The following PPM1H variants were observed in gnomAD, a reference collection of about 807,000 sequenced individuals.
PPM1H encodes protein phosphatase 1H.
Under a neutral mutation model 54.9 loss-of-function variants are expected in PPM1H, and 27 were observed. That is an observed-to-expected ratio of 0.49 (90% CI 0.36 to 0.68). The LOEUF is 0.68. PPM1H is among the 30% of genes least tolerant of loss of function. PPM1H has a pLI of 0.00. For missense variants in PPM1H, 596 were observed against 667.8 expected, an observed-to-expected ratio of 0.89 and a Z score of 1.19; for synonymous variants, 305 against 270.8, an observed-to-expected ratio of 1.13 and a Z score of -1.24.
chr12:62,899,431 T>C (rs1261470551), intron 1 of PPM1H, among the ~76,000 whole-genome samples: 1 of 152,002 alleles, frequency 6.6e-6, no homozygotes, highest in Non-Finnish European at 1.5e-5. Context: ...AAATTAAAAA[T>C]TTAAACTCAA....
chr12:62,778,321 T>TA (rs1264037902), intron 4 of PPM1H, among the ~76,000 whole-genome samples: 1 of 152,232 alleles, frequency 6.6e-6, no homozygotes, highest in Non-Finnish European at 1.5e-5. Flanking sequence ...GTACACGACT[T>TA]AGACTACATT....
intron 3 of PPM1H, 49 bp downstream of exon 3, chr12:62,801,767 C>T (rs1168137964): frequency 6.3e-7 from 1 of 1,592,268 alleles, no homozygotes; most frequent in Non-Finnish European, 8.6e-7. Flanking sequence ...ACAGACCTGG[C>T]GCAGGCGCCA....
At chr12:62,701,553 T>G (rs2076143987) in intron 6 of PPM1H, among the ~76,000 whole-genome samples, 1 of 152,188 alleles carries the variant, frequency 6.6e-6, no homozygotes, top group Admixed American at 6.5e-5. Flanking sequence ...CACCTTAAAG[T>G]TCTCCACTGA....
chr12:62,863,482 C>G (rs1338652147), intron 1 of PPM1H, among the ~76,000 whole-genome samples: 1 of 152,170 alleles, frequency 6.6e-6, no homozygotes, highest in Non-Finnish European at 1.5e-5. Context: ...CACCTATATT[C>G]CATTTCCCAC....
intron 1 of PPM1H, among the ~76,000 whole-genome samples, chr12:62,888,940 G>A (rs1006164260): frequency 2.0e-5 from 3 of 152,128 alleles, no homozygotes; most frequent in Admixed American, 6.5e-5. Context: ...CACTAATGTG[G>A]AACTTCAAAA....
chr12:62,829,794 A>G (rs1868330758), intron 2 of PPM1H, among the ~76,000 whole-genome samples: 1 of 152,236 alleles, frequency 6.6e-6, no homozygotes, highest in Non-Finnish European at 1.5e-5. Flanking sequence ...CATTTCTAGA[A>G]GGAACTCAGT....
chr12:62,748,494 C>T (rs1039584944), intron 4 of PPM1H, among the ~76,000 whole-genome samples: 19 of 151,558 alleles, frequency 1.3e-4, no homozygotes, highest in Admixed American at 6.6e-4. Flanking sequence ...GCATGGAATC[C>T]ACCCACTCAT....
At position 62,762,758 on chromosome 12, in the gene PPM1H, G is replaced by A. The variant is rs191314056; in HGVS notation, c.870-25172C>T. Reference sequence around the variant, plus strand: ...GGGTCTCTTCTTCAGGTTCTTGAACGTGGTGTCATCCCTACTGAAATCAAT... The same window carrying A: ...GGGTCTCTTCTTCAGGTTCTTGAACATGGTGTCATCCCTACTGAAATCAAT... On this transcript the variant is annotated intron_variant, in intron 4 of 9. Coordinates refer to ENST00000228705, the MANE Select transcript of PPM1H (RefSeq NM_020700.2). 5.9e-5 allele frequency among the ~76,000 whole-genome samples: 9 copies of A among 152,220 alleles called. No individual in the cohort carries two copies. In the East Asian group the frequency reaches 1.4e-3, roughly 23 times the overall value.
intron 1 of PPM1H, among the ~76,000 whole-genome samples, chr12:62,869,652 T>C (rs1309707215): frequency 2.0e-5 from 3 of 152,104 alleles, no homozygotes; most frequent in Admixed American, 6.5e-5. Flanking sequence ...ACATCCCATC[T>C]CCCGCTCAAA....
intron 1 of PPM1H, among the ~76,000 whole-genome samples, chr12:62,838,194 T>A (rs1348391316): frequency 6.6e-6 from 1 of 152,156 alleles, no homozygotes; most frequent in East Asian, 1.9e-4. Flanking sequence ...CAGTTCAGGC[T>A]AAAAAGTTTA....
intron 1 of PPM1H, among the ~76,000 whole-genome samples, chr12:62,881,852 C>T (rs1870408263): frequency 6.6e-6 from 1 of 152,168 alleles, no homozygotes; most frequent in Non-Finnish European, 1.5e-5. Flanking sequence ...ACTGGTCTCC[C>T]TGCCTCTGGT....
At chr12:62,723,520 C>T (rs940380885) in intron 5 of PPM1H, among the ~76,000 whole-genome samples, 1 of 152,076 alleles carries the variant, frequency 6.6e-6, no homozygotes, top group Non-Finnish European at 1.5e-5. Flanking sequence ...GTAGAGCCCT[C>T]GTGAATTAAT....
chr12:62,699,281 C>G (rs961365036), intron 6 of PPM1H, among the ~76,000 whole-genome samples: 1 of 152,250 alleles, frequency 6.6e-6, no homozygotes, highest in Non-Finnish European at 1.5e-5. Context: ...ACTGCAACCT[C>G]TACCTCCTGG....
chr12:62,860,231 T>C (rs1433878073), intron 1 of PPM1H, among the ~76,000 whole-genome samples: 1 of 152,038 alleles, frequency 6.6e-6, no homozygotes, highest in Non-Finnish European at 1.5e-5. Flanking sequence ...TTAGATCTCG[T>C]GAGAACTCAC....
At chr12:62,757,822 C>T (rs1056231527) in intron 4 of PPM1H, among the ~76,000 whole-genome samples, 2 of 152,218 alleles carry the variant, frequency 1.3e-5, no homozygotes, top group African/African-American at 4.8e-5. Context: ...ACACACTCCA[C>T]AGAACAAGAG....
intron 1 of PPM1H, among the ~76,000 whole-genome samples, chr12:62,898,272 G>C (rs945404516): frequency 6.6e-6 from 1 of 152,138 alleles, no homozygotes. Context: ...TGATCCATCT[G>C]TTTATCAAGG....
chr12:62,850,425 G>A (rs1197160678), intron 1 of PPM1H, among the ~76,000 whole-genome samples: 1 of 151,520 alleles, frequency 6.6e-6, no homozygotes, highest in African/African-American at 2.4e-5. Flanking sequence ...ATTTTTGAAA[G>A]CACACCCAAT....
chr12:62,913,700 T>G (rs1871529525), intron 1 of PPM1H, among the ~76,000 whole-genome samples: 1 of 152,092 alleles, frequency 6.6e-6, no homozygotes, highest in African/African-American at 2.4e-5. Flanking sequence ...ACTGGTTTTT[T>G]GGGGGGTTCT....
intron 8 of PPM1H, among the ~76,000 whole-genome samples, chr12:62,682,782 G>T (rs1364488464): frequency 1.3e-5 from 2 of 152,084 alleles, no homozygotes; most frequent in African/African-American, 4.8e-5. Flanking sequence ...GAGATGATAG[G>T]CGTGAGTCAC....
Sources: gnomAD v4.1 joint callset for allele counts (sites outside exome capture counted in the v4.1 genomes callset) on GRCh38, gnomAD v4.1.1 for gene constraint, MANE v1.5 for transcripts, NCBI Gene and HGNC (gene_info 2026-07-23, HGNC 2026-07-21) for gene names.